SYNE1: variants seen among roughly 807,000 people sequenced by gnomAD.
SYNE1 encodes spectrin repeat containing nuclear envelope protein 1.
Under a neutral mutation model 1,111.0 loss-of-function variants are expected in SYNE1, and 616 were observed. That is an observed-to-expected ratio of 0.55 (90% CI 0.52 to 0.59). SYNE1 has a LOEUF of 0.59. Ranked by LOEUF, SYNE1 falls within the 20% of genes least tolerant of loss-of-function variation. The pLI, the probability that SYNE1 is intolerant of heterozygous loss-of-function variation, is 0.00. For missense variants in SYNE1, 10,006 were observed against 10,417.0 expected, an observed-to-expected ratio of 0.96 and a Z score of 1.72; for synonymous variants, 3,855 against 3,825.8, an observed-to-expected ratio of 1.01 and a Z score of -0.28.
At chr6:152,427,437 C>G (rs111509948) in intron 38 of SYNE1, among the ~76,000 whole-genome samples, 7 of 152,252 alleles carry the variant, frequency 4.6e-5, no homozygotes, top group African/African-American at 1.7e-4. Flanking sequence ...TATTCAGATG[C>G]CGGGCATTAC....
chr6:152,221,648 A>G (rs944465690), intron 117 of SYNE1, 89 bp from the exon 118 acceptor site: 2 of 1,520,804 alleles, frequency 1.3e-6, no homozygotes, highest in Admixed American at 3.4e-5. Context: ...GTTTTCATAA[A>G]TATGTACATA....
At chr6:152,282,809 T>C (rs1188073696) in intron 96 of SYNE1, among the ~76,000 whole-genome samples, 3 of 152,114 alleles carry the variant, frequency 2.0e-5, no homozygotes, top group African/African-American at 4.8e-5. Flanking sequence ...GCAGAAGTAA[T>C]TGTGATTTTT....
chr6:152,445,733 A>G (rs1448317826), intron 29 of SYNE1, among the ~76,000 whole-genome samples: 2 of 151,852 alleles, frequency 1.3e-5, no homozygotes, highest in African/African-American at 2.4e-5. Flanking sequence ...TTTTTCTTAC[A>G]CTGGACAATT....
At chr6:152,420,430 G>C (rs2098239408) in intron 39 of SYNE1, among the ~76,000 whole-genome samples, 1 of 152,152 alleles carries the variant, frequency 6.6e-6, no homozygotes, top group South Asian at 2.1e-4. Context: ...GACCAGCCTG[G>C]CCAACACAGC....
At chr6:152,139,483 A>G (rs773460703) in intron 140 of SYNE1, among the ~76,000 whole-genome samples, 7 of 149,592 alleles carry the variant, frequency 4.7e-5, no homozygotes, top group Non-Finnish European at 1.0e-4. Flanking sequence ...AGGCAGGAGG[A>G]TGGCTTAAAC....
In SYNE1 at chr6:152,323,734, T is replaced by C. The variant is rs764500952; in HGVS notation, c.15661A>G (p.Lys5221Glu). The part of the protein sequence containing the change: ...DEWTGFNNKV[K>E]KATEMIDQLQ... ...TGATCAATCATTTCAGTGGCCTTTT[T>C]AACCTGATGACAAATGTACATACTA... The change falls in exon 82 of 146, where the codon AAA becomes GAA. Residue 5221 changes from lysine to glutamate, a missense_variant. Physicochemically the swap from Lys to Glu is moderately conservative, Grantham distance 56. Transcript: ENST00000367255. The C allele has an allele frequency of 2.5e-6, 4 of 1,614,094 alleles. No individual in the cohort carries two copies. Among genetic ancestry groups the C allele is most frequent in the Non-Finnish European group, 3.4e-6 (4 of 1,180,036 alleles).
chr6:152,217,027 C>T lies in SYNE1; in HGVS notation c.22191+1230G>A, dbSNP rs750862252. ...GCAGTGAGCCGAGATCGTGCCACTG[C>T]ACTCCAGCCTGCGCAATAGAGCAAG... On this transcript the variant is annotated intron_variant, in intron 121 of 145. Coordinates refer to ENST00000367255, the MANE Select transcript of SYNE1 (RefSeq NM_182961.4). Among the ~76,000 whole-genome samples the T allele has an allele frequency of 1.7e-3, 255 of 148,264 alleles. 2 individuals carry two copies. Among genetic ancestry groups the T allele is most frequent in the Middle Eastern group, 3.6e-3 (1 of 274 alleles).
In SYNE1 at chr6:152,369,142, C is replaced by A. The variant is rs758168547; in HGVS notation, c.9652-15G>T. 5 of 1,611,934 alleles carry A rather than the reference C, an allele frequency of 3.1e-6. No individual in the cohort carries two copies. The highest frequency in any genetic ancestry group is 4.2e-6 in the Non-Finnish European group (5 of 1,179,966). ...TCAAGGACAGACTGAAAAGCACAAG[C>A]AAGTTACTATTCAGAGGCTGGGGAA... On this transcript the variant is annotated splice_polypyrimidine_tract_variant and intron_variant, in intron 60 of 145. Coordinates refer to ENST00000367255, the MANE Select transcript of SYNE1 (RefSeq NM_182961.4).
chr6:152,498,186 C>A (rs1453913336), intron 11 of SYNE1, among the ~76,000 whole-genome samples: 1 of 152,160 alleles, frequency 6.6e-6, no homozygotes, highest in Non-Finnish European at 1.5e-5. Context: ...ATGGGACATG[C>A]ATTCAATAAC....
chr6:152,590,969 CTTTGGGCAGTATGGCCAT>C (rs1420371213), intron 3 of SYNE1, among the ~76,000 whole-genome samples: 1 of 152,152 alleles, frequency 6.6e-6, no homozygotes, highest in African/African-American at 2.4e-5. Flanking sequence ...CTCTCAATTG[CTTTGGGCAGTATGGCCAT>C]TTTTACGATG....
At chr6:152,623,743 T>C (rs1272720484) in intron 3 of SYNE1, among the ~76,000 whole-genome samples, 2 of 152,042 alleles carry the variant, frequency 1.3e-5, no homozygotes, top group Non-Finnish European at 2.9e-5. Context: ...AAGATATACA[T>C]GCGGCCAACA....
chr6:152,547,488 A>C (rs2099319761), intron 3 of SYNE1, among the ~76,000 whole-genome samples: 1 of 152,240 alleles, frequency 6.6e-6, no homozygotes, highest in Admixed American at 6.5e-5. Context: ...AGAATGCTGA[A>C]AGTGTCAGTT....
At chr6:152,166,993 T>TATCA (rs1178650035) in intron 130 of SYNE1, among the ~76,000 whole-genome samples, 1 of 152,234 alleles carries the variant, frequency 6.6e-6, no homozygotes, top group Admixed American at 6.5e-5. Context: ...TTTATTTATC[T>TATCA]ATCATCGTGA....
chr6:152,445,434 C>T (rs2098575176), intron 29 of SYNE1, among the ~76,000 whole-genome samples: 1 of 151,770 alleles, frequency 6.6e-6, no homozygotes, highest in Non-Finnish European at 1.5e-5. Flanking sequence ...TCAGTTTTAC[C>T]AACATCCTTT....
chr6:152,502,776 A>G lies in SYNE1; in HGVS notation c.779-34T>C, dbSNP rs752111561. On this transcript the variant is annotated intron_variant, in intron 9 of 145. Coordinates refer to ENST00000367255, the MANE Select transcript of SYNE1 (RefSeq NM_182961.4). ...ACAAAAAAGAAATGTGAATAAACTA[A>G]TTAGCATTCATTGGATTTTGATAAT... 7 of 1,431,506 alleles carry G rather than the reference A, an allele frequency of 4.9e-6. No individual in the cohort carries two copies. The Admixed American group carries it at 1.0e-4, about 21-fold the overall frequency. 88.7% of individuals were successfully genotyped at this position (1,431,506 alleles called of 1,614,324 possible).
At chr6:152,313,084 C>CA (rs532917999) in intron 87 of SYNE1, among the ~76,000 whole-genome samples, 3 of 152,224 alleles carry the variant, frequency 2.0e-5, no homozygotes, top group East Asian at 3.9e-4. Context: ...GACAACAAAG[C>CA]AAAAAATCAC....
Position 152,284,155 on chromosome 6 carries a change from A to G in SYNE1, c.18030T>C (p.Ile6010=), listed in dbSNP as rs773651656. 6.2e-7 allele frequency: 1 copy of G among 1,614,034 alleles called. No homozygotes were observed. The highest frequency in any genetic ancestry group is 1.3e-5 in the African/African-American group (1 of 74,910). Residue 6010 remains isoleucine, a synonymous_variant, in exon 96 of 146, where the codon ATT becomes ATC. Transcript: ENST00000367255. ...CATTGATTTCATCCTGGAGCATGAG[A>G]ATCTCATCCATCAATGCCTGGAGGA... The part of the protein sequence containing the change: ...MAEHQALMDE[I]LMLQDEINEL...
chr6:152,164,938 ATCTT>A (rs1368756960), intron 130 of SYNE1, among the ~76,000 whole-genome samples: 1 of 152,212 alleles, frequency 6.6e-6, no homozygotes, highest in Non-Finnish European at 1.5e-5. Context: ...AGAGGTATCT[ATCTT>A]CTTGAAAATA....
intron 3 of SYNE1, among the ~76,000 whole-genome samples, chr6:152,579,927 G>A (rs1026159979): frequency 6.6e-6 from 1 of 152,146 alleles, no homozygotes; most frequent in Non-Finnish European, 1.5e-5. Context: ...CATCATCGAT[G>A]GGCCGATTCC....
Sources: gnomAD v4.1 joint callset for allele counts (sites outside exome capture counted in the v4.1 genomes callset) on GRCh38, gnomAD v4.1.1 for gene constraint, MANE v1.5 for transcripts, NCBI Gene and HGNC (gene_info 2026-07-23, HGNC 2026-07-21) for gene names.